The following MIR2052HG variants were observed in gnomAD, a reference collection of about 807,000 sequenced individuals.
The protein encoded by MIR2052HG is MIR2052 host gene.
intron 5 of MIR2052HG, among the ~76,000 whole-genome samples, chr8:74,753,603 T>C (rs1325986448): frequency 6.6e-6 from 1 of 152,118 alleles, no homozygotes; most frequent in Non-Finnish European, 1.5e-5. Flanking sequence ...CATCTCTCTA[T>C]ATTTCCCACT....
At chr8:74,632,818 T>C (rs1475952622) in intron 2 of MIR2052HG, among the ~76,000 whole-genome samples, 1 of 152,150 alleles carries the variant, frequency 6.6e-6, no homozygotes, top group Non-Finnish European at 1.5e-5. Context: ...TATCTTGGCA[T>C]AATCAGCTCG....
intron 2 of MIR2052HG, among the ~76,000 whole-genome samples, chr8:74,675,621 G>C (rs1809042838): frequency 6.6e-6 from 1 of 151,940 alleles, no homozygotes; most frequent in Non-Finnish European, 1.5e-5. Context: ...ATTGATCAGT[G>C]TGTAATTACT....
At chr8:74,720,812 T>C (rs1563539527) in intron 4 of MIR2052HG, among the ~76,000 whole-genome samples, 2 of 152,124 alleles carry the variant, frequency 1.3e-5, no homozygotes, top group Admixed American at 1.3e-4. Context: ...TTTACCATCA[T>C]GGCGGAAAGC....
At chr8:74,705,608 C>T (rs1809402339) in intron 4 of MIR2052HG, 1 of 169,920 alleles carries the variant, frequency 5.9e-6, no homozygotes, top group South Asian at 2.0e-4. Flanking sequence ...AGAGATGGTG[C>T]TTGTAGTCAA....
intron 2 of MIR2052HG, among the ~76,000 whole-genome samples, chr8:74,670,284 T>TTATTAAAAAAAAACTTAAAAAA (rs59609164): frequency 2.0e-5 from 3 of 152,112 alleles, no homozygotes; most frequent in African/African-American, 7.2e-5. Flanking sequence ...TTAACAAAAA[T>TTATTAAAAAAAAACTTAAAAAA]ATATTAACTG....
intron 4 of MIR2052HG, among the ~76,000 whole-genome samples, chr8:74,713,041 G>A (rs757961309): frequency 9.9e-5 from 15 of 152,108 alleles, no homozygotes; most frequent in Non-Finnish European, 2.1e-4. Flanking sequence ...AGAGGAGGCC[G>A]TGGTTAAAGA....
chr8:74,676,094 C>G (rs893088649), intron 2 of MIR2052HG, among the ~76,000 whole-genome samples: 1 of 151,864 alleles, frequency 6.6e-6, no homozygotes, highest in Non-Finnish European at 1.5e-5. Context: ...AAATCAATTA[C>G]AAATTAGAAT....
In MIR2052HG at chr8:74,608,604, T is replaced by A. The variant is rs10441547; in HGVS notation, n.129-4249T>A. On this transcript the variant is annotated intron_variant and non_coding_transcript_variant, in intron 1 of 6. Transcript: ENST00000523442. ...CCATATTCTGAATCATAAGTTAAGA[T>A]TCAATCAATTAAATTCATACAAAGT... is the stretch of plus-strand genomic sequence containing the variant. 7.5e-3 allele frequency among the ~76,000 whole-genome samples: 1,144 copies of A among 152,232 alleles called. 9 individuals carry two copies. The highest frequency in any genetic ancestry group is 0.026 in the African/African-American group (1,090 of 41,550).
intron 2 of MIR2052HG, among the ~76,000 whole-genome samples, chr8:74,653,176 C>A (rs1808770928): frequency 6.6e-6 from 1 of 152,264 alleles, no homozygotes; most frequent in Non-Finnish European, 1.5e-5. Flanking sequence ...TTATAAGTGG[C>A]AAAGTTTTCC....
At chr8:74,675,203 G>A (rs1368540771) in intron 2 of MIR2052HG, among the ~76,000 whole-genome samples, 2 of 151,950 alleles carry the variant, frequency 1.3e-5, no homozygotes, top group African/African-American at 4.8e-5. Context: ...GATAATGGAT[G>A]GTGGTAAGTA....
At chr8:74,628,019 G>C (rs565117209) in intron 2 of MIR2052HG, among the ~76,000 whole-genome samples, 46 of 152,124 alleles carry the variant, frequency 3.0e-4, no homozygotes, top group Non-Finnish European at 4.4e-4. Context: ...CATAGTGCTG[G>C]GGTTTTGGAG....
Position 74,688,086 on chromosome 8 carries a change from C to T in MIR2052HG, n.217-14293C>T, listed in dbSNP as rs186564921. Among the ~76,000 whole-genome samples the T allele has an allele frequency of 6.6e-5, 10 of 152,242 alleles. No homozygotes were observed. In the East Asian group the frequency reaches 1.4e-3, roughly 21 times the overall value. ...ACAAGAGAGAACATACTTTGGGCTG[C>T]GTACTGTCTTTATGTGAGTAGTCCT... is the stretch of plus-strand genomic sequence containing the variant. On this transcript the variant is annotated intron_variant and non_coding_transcript_variant, in intron 2 of 6. Coordinates refer to ENST00000523442, the Ensembl canonical transcript of MIR2052HG.
intron 2 of MIR2052HG, among the ~76,000 whole-genome samples, chr8:74,680,813 CA>C (rs1371104406): frequency 1.4e-4 from 21 of 151,344 alleles, no homozygotes; most frequent in Admixed American, 9.9e-4. Flanking sequence ...GGAACCAACC[CA>C]AATGTCCAAC....
At chr8:74,609,631 G>A (rs1808162920) in intron 1 of MIR2052HG, 1 of 151,090 alleles carries the variant, frequency 6.6e-6, no homozygotes. Flanking sequence ...AATGCAAAAT[G>A]AGTTTAACAT....
intron 2 of MIR2052HG, among the ~76,000 whole-genome samples, chr8:74,697,079 C>T (rs762999796): frequency 2.0e-5 from 3 of 151,998 alleles, no homozygotes; most frequent in Non-Finnish European, 2.9e-5. Context: ...GAATCCTCAA[C>T]AAAATACTAG....
intron 2 of MIR2052HG, among the ~76,000 whole-genome samples, chr8:74,664,071 A>G (rs913102244): frequency 2.0e-5 from 3 of 152,162 alleles, no homozygotes; most frequent in African/African-American, 7.2e-5. Context: ...GAGTTAAGCT[A>G]TGAGTAGGCA....
chr8:74,706,819 T>G (rs1809415543), intron 4 of MIR2052HG, among the ~76,000 whole-genome samples: 1 of 152,034 alleles, frequency 6.6e-6, no homozygotes, highest in Non-Finnish European at 1.5e-5. Flanking sequence ...CTCAGAAAAT[T>G]TTTTTTCACA....
intron 4 of MIR2052HG, among the ~76,000 whole-genome samples, chr8:74,724,963 A>G (rs1809618183): frequency 6.6e-6 from 1 of 152,042 alleles, no homozygotes. Context: ...TGCCTCACTG[A>G]GGTATGCCTG....
chr8:74,652,747 A>T (rs998609446), intron 2 of MIR2052HG, among the ~76,000 whole-genome samples: 1 of 152,204 alleles, frequency 6.6e-6, no homozygotes, highest in Admixed American at 6.5e-5. Context: ...ATACTTGTGC[A>T]TATCAGATTC....
Sources: gnomAD v4.1 joint callset for allele counts (sites outside exome capture counted in the v4.1 genomes callset) on GRCh38, gnomAD v4.1.1 for gene constraint, MANE v1.5 for transcripts, NCBI Gene and HGNC (gene_info 2026-07-23, HGNC 2026-07-21) for gene names.